The following NBAS variants were observed in gnomAD, a reference collection of about 807,000 sequenced individuals.
NBAS encodes NAG/BC035112 fusion.
Under a neutral mutation model 302.5 loss-of-function variants are expected in NBAS, and 219 were observed. The observed-to-expected ratio is 0.72, with a 90% CI of 0.65 to 0.81. NBAS has a LOEUF of 0.81. Ranked by LOEUF, NBAS falls within the 30% of genes least tolerant of loss-of-function variation. The probability of loss-of-function intolerance (pLI) is 0.00; values close to 1 mark genes in which losing one functional copy is unlikely to be tolerated. For synonymous variants in NBAS, 1,118 were observed against 1,021.6 expected (o/e 1.09, Z -1.80); for missense variants, 2,932 against 2,841.6 (o/e 1.03, Z -0.72).
the NBAS span, among the ~76,000 whole-genome samples, chr2:15,147,431 TA>T: frequency 1.3e-5 from 2 of 152,008 alleles, no homozygotes; most frequent in South Asian, 2.1e-4. Context: ...CCATCTCTAC[TA>T]AAAATACAAA....
the NBAS span, among the ~76,000 whole-genome samples, chr2:14,803,402 G>C: frequency 2.0e-5 from 3 of 152,238 alleles, no homozygotes; most frequent in South Asian, 6.2e-4. Context: ...ATTTTCTGTG[G>C]TAATTTGCCT....
At chr2:15,112,223 G>A in the NBAS span, among the ~76,000 whole-genome samples, 175 of 151,582 alleles carry the variant, frequency 1.2e-3, 2 homozygotes, top group African/African-American at 4.1e-3. Context: ...AAAAAAATAG[G>A]AAATGAGAAA....
At position 15,326,651 on chromosome 2, in the gene NBAS, T is replaced by C. The variant is rs182414641; in HGVS notation, c.4582+1099A>G. Among the ~76,000 whole-genome samples, 82 of 152,320 alleles carry C rather than the reference T, an allele frequency of 5.4e-4. 1 individual carries two copies. The highest frequency in any genetic ancestry group is 4.3e-3 in the Admixed American group (66 of 15,296). ...GTAATTGTAATATGTATGGTACATA[T>C]GTAAGATGTACCATAAATTTAATAA... is the stretch of plus-strand genomic sequence containing the variant. On this transcript the variant is annotated intron_variant, in intron 38 of 51. Transcript: ENST00000281513.
intron 38 of NBAS, among the ~76,000 whole-genome samples, chr2:15,315,233 T>C (rs957283450): frequency 2.0e-5 from 3 of 152,202 alleles, no homozygotes; most frequent in Non-Finnish European, 4.4e-5. Context: ...ATATCTATGA[T>C]TTACTTTGAA....
chr2:15,292,084 C>T (rs548059390), intron 41 of NBAS, among the ~76,000 whole-genome samples: 1 of 152,314 alleles, frequency 6.6e-6, no homozygotes, highest in African/African-American at 2.4e-5. Context: ...AAAGGATTCT[C>T]GTGCCTCAGC....
At chr2:14,798,406 A>G in the NBAS span, among the ~76,000 whole-genome samples, 792 of 152,260 alleles carry the variant, frequency 5.2e-3, 4 homozygotes, top group African/African-American at 0.018. Flanking sequence ...TTGACTGTTA[A>G]ACTTGCATTC....
chr2:14,804,379 C>G, the NBAS span, among the ~76,000 whole-genome samples: 8 of 152,208 alleles, frequency 5.3e-5, no homozygotes. Context: ...CTGGGATATG[C>G]TTTATGGAGA....
At chr2:14,828,554 T>TCTC in the NBAS span, among the ~76,000 whole-genome samples, 1 of 152,094 alleles carries the variant, frequency 6.6e-6, no homozygotes, top group Non-Finnish European at 1.5e-5. Context: ...AAAAGTTCTT[T>TCTC]AGAGGGGAGT....
the NBAS span, among the ~76,000 whole-genome samples, chr2:15,095,677 C>A: frequency 6.6e-6 from 1 of 152,202 alleles, no homozygotes; most frequent in Non-Finnish European, 1.5e-5. Flanking sequence ...GGACCCAGCT[C>A]CCATGAACCT....
At chr2:14,870,887 T>C in the NBAS span, among the ~76,000 whole-genome samples, 4 of 151,670 alleles carry the variant, frequency 2.6e-5, no homozygotes, top group African/African-American at 9.7e-5. Flanking sequence ...TTCCAGAAGA[T>C]AGAATGATGC....
intron 27 of NBAS, 118 bp downstream of exon 27, chr2:15,396,295 T>C (rs1251090428): frequency 3.9e-6 from 3 of 769,762 alleles, no homozygotes; most frequent in East Asian, 5.5e-5. Context: ...CCCAAGACAA[T>C]CAAACAAAAA....
chr2:14,998,723 C>T, the NBAS span, among the ~76,000 whole-genome samples: 1 of 152,178 alleles, frequency 6.6e-6, no homozygotes, highest in African/African-American at 2.4e-5. Context: ...CATACACACA[C>T]ACACACTGCA....
chr2:14,842,198 G>C, the NBAS span, among the ~76,000 whole-genome samples: 1 of 151,750 alleles, frequency 6.6e-6, no homozygotes, highest in East Asian at 1.9e-4. Flanking sequence ...TAAAATGGAA[G>C]TTAATAGAAA....
At chr2:15,059,588 G>A in the NBAS span, among the ~76,000 whole-genome samples, 1 of 152,092 alleles carries the variant, frequency 6.6e-6, no homozygotes, top group Non-Finnish European at 1.5e-5. Context: ...GCCCAACACA[G>A]CCAGCAGAGA....
chr2:15,398,503 C>T (rs544175531), intron 26 of NBAS, among the ~76,000 whole-genome samples: 1 of 152,224 alleles, frequency 6.6e-6, no homozygotes, highest in Admixed American at 6.5e-5. Flanking sequence ...ATTAGAGATA[C>T]AATATTCTTC....
chr2:14,889,080 G>A, the NBAS span, among the ~76,000 whole-genome samples: 1 of 152,086 alleles, frequency 6.6e-6, no homozygotes, highest in Non-Finnish European at 1.5e-5. Context: ...CTCTACCAAA[G>A]CAGGTATTTT....
chr2:15,157,620 A>C, the NBAS span, among the ~76,000 whole-genome samples: 1 of 152,198 alleles, frequency 6.6e-6, no homozygotes, highest in Non-Finnish European at 1.5e-5. Flanking sequence ...CAGATGCAAA[A>C]TATTTCCATA....
chr2:15,016,938 G>A, the NBAS span, among the ~76,000 whole-genome samples: 1 of 152,174 alleles, frequency 6.6e-6, no homozygotes, highest in African/African-American at 2.4e-5. Flanking sequence ...ATCACATCAT[G>A]TAAAATGGAG....
At chr2:15,164,819 CTT>C (rs1239696027), downstream of NBAS, among the ~76,000 whole-genome samples, 1 of 152,290 alleles carries the variant, frequency 6.6e-6, no homozygotes, top group East Asian at 1.9e-4. Flanking sequence ...GTTGTTCCTT[CTT>C]TTTCTCTTCC....
Sources: allele counts gnomAD v4.1 joint callset (sites outside exome capture counted in the v4.1 genomes callset), GRCh38; gene constraint gnomAD v4.1.1; transcripts MANE v1.5; gene names NCBI Gene and HGNC (gene_info 2026-07-23, HGNC 2026-07-21).